PDZRN3: variants seen among roughly 807,000 people sequenced by gnomAD.
PDZRN3 encodes PDZ domain containing ring finger 3.
A neutral mutation model predicts 85.7 loss-of-function variants in PDZRN3; 38 were observed. That is an observed-to-expected ratio of 0.44 (90% CI 0.34 to 0.58). The LOEUF (loss-of-function observed/expected upper bound fraction) is 0.58, where lower values mean the gene tolerates loss of function less well. Ranked by LOEUF, PDZRN3 falls within the 20% of genes least tolerant of loss-of-function variation. The pLI is 0.01. For synonymous variants in PDZRN3, 759 were observed against 638.0 expected, an observed-to-expected ratio of 1.19 and a Z score of -2.86; for missense variants, 1,629 against 1,506.4, an observed-to-expected ratio of 1.08 and a Z score of -1.35.
chr3:73,492,657 C>T (rs947190382), intron 3 of PDZRN3, among the ~76,000 whole-genome samples: 1 of 152,182 alleles, frequency 6.6e-6, no homozygotes, highest in Non-Finnish European at 1.5e-5. Flanking sequence ...TGAGGCCCTG[C>T]TGCTAAGCAC....
chr3:73,386,223 TCA>T lies in PDZRN3; in HGVS notation c.1519-440_1519-439del, dbSNP rs1337897551. On this transcript the variant is annotated intron_variant, in intron 8 of 9. Coordinates refer to ENST00000263666, the MANE Select transcript of PDZRN3 (RefSeq NM_015009.3). ...CTAGCTGTTTGGCTTGGGCAAGATA[TCA>T]CTTTTTTTTTTTTTTTTTTTGAGAC... Among the ~76,000 whole-genome samples, 202 of 132,484 alleles carry T rather than the reference TCA, an allele frequency of 1.5e-3. 1 individual carries two copies. Among genetic ancestry groups the T allele is most frequent in the African/African-American group, 5.8e-3 (198 of 33,848 alleles). 86.9% of individuals were successfully genotyped at this position (132,484 alleles called of 152,430 possible). A position where few individuals can be genotyped will look rare whatever the true frequency, so the allele number is the denominator to read the frequency against.
At chr3:73,426,010 C>T (rs1702305781) in intron 3 of PDZRN3, among the ~76,000 whole-genome samples, 1 of 152,160 alleles carries the variant, frequency 6.6e-6, no homozygotes, top group African/African-American at 2.4e-5. Context: ...GAATTCTACC[C>T]ATCATCATTC....
intron 3 of PDZRN3, among the ~76,000 whole-genome samples, chr3:73,529,024 A>C (rs1315780922): frequency 6.6e-6 from 1 of 152,100 alleles, no homozygotes; most frequent in African/African-American, 2.4e-5. Flanking sequence ...CACTCTGACA[A>C]GGTTAAAGTA....
At chr3:73,479,297 C>G (rs1054789029) in intron 3 of PDZRN3, among the ~76,000 whole-genome samples, 1 of 152,008 alleles carries the variant, frequency 6.6e-6, no homozygotes, top group African/African-American at 2.4e-5. Context: ...TCAATGTTTT[C>G]AAGTTGTAAA....
intron 3 of PDZRN3, among the ~76,000 whole-genome samples, chr3:73,531,798 A>G (rs939032293): frequency 6.6e-6 from 1 of 152,210 alleles, no homozygotes; most frequent in African/African-American, 2.4e-5. Flanking sequence ...TCAATACTTT[A>G]GCTGCATTCA....
intron 3 of PDZRN3, among the ~76,000 whole-genome samples, chr3:73,478,979 G>T (rs1159205547): frequency 6.6e-6 from 1 of 152,142 alleles, no homozygotes; most frequent in Admixed American, 6.5e-5. Context: ...TATGTGTAAT[G>T]GCAAAAGTCG....
chr3:73,393,314 G>A (rs1701566332), intron 5 of PDZRN3, among the ~76,000 whole-genome samples: 1 of 152,212 alleles, frequency 6.6e-6, no homozygotes, highest in Non-Finnish European at 1.5e-5. Context: ...AGGAAGTACA[G>A]AAGATTCTAC....
chr3:73,505,849 G>T (rs374710670), intron 3 of PDZRN3, among the ~76,000 whole-genome samples: 36 of 151,884 alleles, frequency 2.4e-4, no homozygotes, highest in Admixed American at 7.2e-4. Flanking sequence ...ATAAAATTGC[G>T]CTGGATTAGA....
chr3:73,532,150 A>G (rs149377262), intron 3 of PDZRN3, among the ~76,000 whole-genome samples: 1,983 of 150,634 alleles, frequency 0.013, 32 homozygotes, highest in African/African-American at 0.045. Context: ...ACAGGCGCCC[A>G]CCACCACGCC....
chr3:73,504,743 C>T (rs1368729462), intron 3 of PDZRN3, among the ~76,000 whole-genome samples: 2 of 152,160 alleles, frequency 1.3e-5, no homozygotes, highest in African/African-American at 4.8e-5. Context: ...CCAAAGTATA[C>T]CACTTTTTAT....
intron 3 of PDZRN3, among the ~76,000 whole-genome samples, chr3:73,409,410 G>C (rs562920774): frequency 6.6e-6 from 1 of 152,258 alleles, no homozygotes; most frequent in African/African-American, 2.4e-5. Flanking sequence ...CCATTTGGGA[G>C]GTAAATTTCA....
At chr3:73,438,745 T>C (rs1345856324) in intron 3 of PDZRN3, among the ~76,000 whole-genome samples, 1 of 152,246 alleles carries the variant, frequency 6.6e-6, no homozygotes, top group African/African-American at 2.4e-5. Flanking sequence ...CAGTTACTAC[T>C]GTTCGCCGGG....
intron 5 of PDZRN3, 128 bp from the exon 6 acceptor site, chr3:73,391,244 G>C: frequency 1.6e-6 from 1 of 613,008 alleles, no homozygotes; most frequent in Non-Finnish European, 2.9e-6. Flanking sequence ...GTGTAGGGCC[G>C]GTTAACTTAC....
chr3:73,499,792 T>C (rs896159719), intron 3 of PDZRN3, among the ~76,000 whole-genome samples: 1 of 152,168 alleles, frequency 6.6e-6, no homozygotes, highest in Admixed American at 6.5e-5. Context: ...TCGTATTTTC[T>C]TGGCAAGTTA....
At chr3:73,616,676 A>G (rs1330720052) in intron 1 of PDZRN3, among the ~76,000 whole-genome samples, 1 of 152,208 alleles carries the variant, frequency 6.6e-6, no homozygotes. Context: ...AACTTTCTTC[A>G]GTGATTTATT....
In PDZRN3 at chr3:73,571,407, T is replaced by C. The variant is rs529509070; in HGVS notation, c.918+30947A>G. On this transcript the variant is annotated intron_variant, in intron 3 of 9. Coordinates refer to ENST00000263666, the MANE Select transcript of PDZRN3 (RefSeq NM_015009.3). ...ACCATTACTGCTTTTTATGTCAATG[T>C]CCTTTTATTTCAGAATGACTCTGTT... Among the ~76,000 whole-genome samples the C allele has an allele frequency of 8.5e-4, 129 of 152,294 alleles. 2 individuals carry two copies. The highest frequency in any genetic ancestry group is 3.0e-3 in the African/African-American group (125 of 41,574).
At chr3:73,573,823 A>C (rs4676935) in intron 3 of PDZRN3, among the ~76,000 whole-genome samples, 4 of 13,934 alleles carry the variant, frequency 2.9e-4, no homozygotes, top group East Asian at 2.4e-3. Flanking sequence ...ATACATATAC[A>C]TATACATATA....
At chr3:73,487,638 C>T (rs1314444552) in intron 3 of PDZRN3, among the ~76,000 whole-genome samples, 2 of 152,072 alleles carry the variant, frequency 1.3e-5, no homozygotes, top group Non-Finnish European at 2.9e-5. Context: ...TTTTTTCCCC[C>T]ATAAATTTGG....
At chr3:73,496,986 T>C (rs1166037909) in intron 3 of PDZRN3, among the ~76,000 whole-genome samples, 1 of 152,230 alleles carries the variant, frequency 6.6e-6, no homozygotes, top group African/African-American at 2.4e-5. Context: ...GCACGTGTGC[T>C]GATGTGGTTA....
Sources: allele counts gnomAD v4.1 joint callset (sites outside exome capture counted in the v4.1 genomes callset), GRCh38; gene constraint gnomAD v4.1.1; transcripts MANE v1.5; gene names NCBI Gene and HGNC (gene_info 2026-07-23, HGNC 2026-07-21).